MAPT: variants seen among roughly 807,000 people sequenced by gnomAD.
The protein encoded by MAPT is microtubule associated protein tau.
In MAPT, 34 loss-of-function variants were observed where a neutral mutation model predicts 67.9. That is an observed-to-expected ratio of 0.50 (90% CI 0.38 to 0.67). The LOEUF (loss-of-function observed/expected upper bound fraction) is 0.67, where lower values mean the gene tolerates loss of function less well. Among genes scored for constraint, MAPT ranks in the 30% least tolerant of loss-of-function variants. The probability of loss-of-function intolerance (pLI) is 0.00; values close to 1 mark genes in which losing one functional copy is unlikely to be tolerated. For synonymous variants in MAPT, 456 were observed against 464.5 expected (o/e 0.98, Z 0.23); for missense variants, 881 against 1,115.2 (o/e 0.79, Z 2.99).
chr17:45,926,564 C>T (rs532464640), intron 1 of MAPT, among the ~76,000 whole-genome samples: 19 of 152,294 alleles, frequency 1.2e-4, no homozygotes, highest in African/African-American at 4.3e-4. Context: ...CCTCCCACCT[C>T]GGCCTCCCGA....
intron 1 of MAPT, among the ~76,000 whole-genome samples, chr17:45,902,205 G>A (rs1053361443): frequency 1.3e-5 from 2 of 152,070 alleles, no homozygotes; most frequent in Admixed American, 6.6e-5. Flanking sequence ...CGCCGTAGCC[G>A]GGACTACAGG....
intron 1 of MAPT, among the ~76,000 whole-genome samples, chr17:45,960,326 A>C (rs1472630878): frequency 6.6e-6 from 1 of 152,238 alleles, no homozygotes; most frequent in Non-Finnish European, 1.5e-5. Context: ...CCGTTTTAGG[A>C]TGGGACAGGG....
intron 1 of MAPT, among the ~76,000 whole-genome samples, chr17:45,941,664 CCCCTTCCCCCCTTCCCTCCT>C (rs2067910219): frequency 1.1e-5 from 1 of 92,262 alleles, no homozygotes; most frequent in Non-Finnish European, 2.0e-5. Context: ...CCACCCTTCC[CCCCTTCCCCCCTTCCCTCCT>C]TCCTTCCTTC....
Position 45,941,709 on chromosome 17 carries a change from T to G in MAPT, c.-17-20612T>G, listed in dbSNP as rs865970937. Among the ~76,000 whole-genome samples the G allele has an allele frequency of 5.6e-4, 60 of 107,312 alleles. 1 individual carries two copies. The highest frequency in any genetic ancestry group is 5.7e-3 in the Middle Eastern group (1 of 174). The allele number at this position is 107,312 out of a possible 152,430, so 70.4% of individuals were successfully genotyped here. ...TTCCTTCCTTCCTTCCTGCCTGCCT[T>G]CCTTCCTTCCTTCCTTCCTTCCTTC... is the stretch of plus-strand genomic sequence containing the variant. On this transcript the variant is annotated intron_variant, in intron 1 of 12. Transcript: ENST00000262410.
At chr17:45,980,739 A>T (rs2072869250) in intron 4 of MAPT, among the ~76,000 whole-genome samples, 1 of 152,110 alleles carries the variant, frequency 6.6e-6, no homozygotes, top group South Asian at 2.1e-4. Context: ...AGAGCACTCT[A>T]GTAAGCTCTA....
intron 1 of MAPT, among the ~76,000 whole-genome samples, chr17:45,941,764 G>A (rs1284955039): frequency 4.5e-5 from 5 of 110,884 alleles, no homozygotes; most frequent in Admixed American, 4.3e-4. Context: ...CCTGGTATGT[G>A]ACTAATTTCT....
chr17:46,010,461 G>T lies in MAPT; in HGVS notation c.2091+59G>T. 8.4e-7 allele frequency: 1 copy of T among 1,184,688 alleles called. No homozygotes were observed. The allele number at this position is 1,184,688 out of a possible 1,614,324, so 73.4% of individuals were successfully genotyped here. A position where few individuals can be genotyped will look rare whatever the true frequency, so the allele number is the denominator to read the frequency against. On this transcript the variant is annotated intron_variant, in intron 10 of 12. Coordinates refer to ENST00000262410, the MANE Select transcript of MAPT (RefSeq NM_001377265.1). The surrounding 1 kb of genome is among the most constrained non-coding windows in gnomAD (Gnocchi z 4.7). Reference sequence around the variant, plus strand: ...GTGGCTTGAATTATTAGGAAGTGGTGTGAGTGCGTACACTTGCGAGACACT... The same window carrying T: ...GTGGCTTGAATTATTAGGAAGTGGTTTGAGTGCGTACACTTGCGAGACACT...
In MAPT at chr17:45,996,704, CGCCTGGAGGGGTAGGGCTGT is replaced by C. The variant is rs763875539; in HGVS notation, c.1998+48_1998+67del. 8.1e-6 allele frequency: 13 copies of C among 1,608,128 alleles called. No individual in the cohort carries two copies. In the South Asian group the frequency reaches 8.9e-5, roughly 11 times the overall value. On this transcript the variant is annotated intron_variant, in intron 9 of 12. Transcript: ENST00000262410. The surrounding 1 kb of genome is among the most constrained non-coding windows in gnomAD (Gnocchi z 4.5). ...CTGCGCGTGGAGGTGTGGGGGGCTG[CGCCTGGAGGGGTAGGGCTGT>C]GCCTGGAAGGGTAGGGCTGCGCCTG...
At position 46,024,331 on chromosome 17, in the gene MAPT, C is replaced by A; in HGVS notation, c.*160C>A. The A allele has an allele frequency of 1.4e-6, 1 of 693,896 alleles. No homozygotes were observed. Among genetic ancestry groups the A allele is most frequent in the Non-Finnish European group, 2.5e-6 (1 of 393,922 alleles). The allele number at this position is 693,896 out of a possible 1,614,324, so 43.0% of individuals were successfully genotyped here. On this transcript the variant is annotated 3_prime_UTR_variant, in exon 13 of 13. Transcript: ENST00000262410. ...ACCTGCTTTTGTCACTCGGCTTTGG[C>A]TCGGGACTTCAAAATCAGTGATGGG...
chr17:46,024,240 A>C lies in MAPT; in HGVS notation c.*69A>C. 3.5e-5 allele frequency: 48 copies of C among 1,372,912 alleles called. No homozygotes were observed. Among genetic ancestry groups the C allele is most frequent in the Non-Finnish European group, 4.5e-5 (44 of 972,810 alleles). The allele number at this position is 1,372,912 out of a possible 1,614,324, so 85.0% of individuals were successfully genotyped here. A position where few individuals can be genotyped will look rare whatever the true frequency, so the allele number is the denominator to read the frequency against. Reference sequence around the variant, plus strand: ...AGAGAGTGTGGAAAAAAAAAGAATAATGACCCGGCCCCCGCCCTCTGCCCC... The same window carrying C: ...AGAGAGTGTGGAAAAAAAAAGAATACTGACCCGGCCCCCGCCCTCTGCCCC... On this transcript the variant is annotated 3_prime_UTR_variant, in exon 13 of 13. Coordinates refer to ENST00000262410, the MANE Select transcript of MAPT (RefSeq NM_001377265.1).
chr17:45,983,118 A>T lies in MAPT; in HGVS notation c.539A>T (p.Asp180Val), dbSNP rs2145640757. The T allele has an allele frequency of 6.4e-7, 1 of 1,566,394 alleles. No homozygotes were observed. The highest frequency in any genetic ancestry group is 2.3e-5 in the East Asian group (1 of 43,116). ...CTGGAGTGGGGACAAAAAGGCGGGG[A>T]CTGGGCCGAGAAGGGTCCGGCCTTT... ...PSLEWGQKGG[D>V]WAEKGPAFPK... Residue 180 changes from aspartate to valine, a missense_variant, in exon 5 of 13, where the codon GAC becomes GTC. This residue lies in a region of MAPT where 687 missense variants were observed against 766.1 expected (regional missense o/e 0.90). Transcript: ENST00000262410.
chr17:45,904,347 T>TAA (rs1568136366), intron 1 of MAPT, among the ~76,000 whole-genome samples: 6 of 81,446 alleles, frequency 7.4e-5, no homozygotes, highest in African/African-American at 3.2e-4. Flanking sequence ...TATATATATA[T>TAA]TATATATATT....
At chr17:45,972,046 G>C (rs753658933) in intron 3 of MAPT, 101 bp downstream of exon 3, 33 of 850,604 alleles carry the variant, frequency 3.9e-5, no homozygotes, top group Middle Eastern at 2.1e-4. Flanking sequence ...CTGGCTGAGA[G>C]ATGTGCTCAC....
At chr17:45,972,462 G>A (rs753823585) in intron 3 of MAPT, among the ~76,000 whole-genome samples, 3 of 152,114 alleles carry the variant, frequency 2.0e-5, no homozygotes, top group Non-Finnish European at 4.4e-5. Flanking sequence ...TTAGCACCTC[G>A]CATACTTTCT....
In MAPT at chr17:45,903,958, A is replaced by ATT. The variant is rs1271985334; in HGVS notation, c.-18+9273_-18+9274dup. 8.7e-3 allele frequency among the ~76,000 whole-genome samples: 105 copies of ATT among 12,128 alleles called. 10 individuals are homozygous for ATT. Among genetic ancestry groups the ATT allele is most frequent in the African/African-American group, 0.033 (96 of 2,912 alleles). The allele number at this position is 12,128 out of a possible 152,430, so 8.0% of individuals were successfully genotyped here. On this transcript the variant is annotated intron_variant, in intron 1 of 12. Transcript: ENST00000262410. The stretch of plus-strand genomic sequence containing the variant: ...TATTTATATATAATATATATTATAT[A>ATT]TTATATATTATATATTATATATTAT...
Position 45,983,905 on chromosome 17 carries a change from C to G in MAPT, c.1326C>G (p.Pro442=), listed in dbSNP as rs201312701. 1 of 1,579,552 alleles carries G rather than the reference C, an allele frequency of 6.3e-7. No individual in the cohort carries two copies. Among genetic ancestry groups the G allele is most frequent in the Non-Finnish European group, 8.6e-7 (1 of 1,166,426 alleles). The change falls in exon 5 of 13, where the codon CCC becomes CCG. Residue 442 remains proline (P), a synonymous_variant. Coordinates refer to ENST00000262410, the MANE Select transcript of MAPT (RefSeq NM_001377265.1). The part of the protein sequence containing the change: ...KQPAAAPRGK[P]VSRVPQLKAR... ...CTGCTGCTGCTCCGCGGGGGAAGCC[C>G]GTCAGCCGGGTCCCTCAACTCAAAG...
intron 1 of MAPT, among the ~76,000 whole-genome samples, chr17:45,917,796 G>A (rs2065332947): frequency 6.8e-6 from 1 of 147,110 alleles, no homozygotes; most frequent in Non-Finnish European, 1.5e-5. Flanking sequence ...TTTTTTTTAA[G>A]ACAGAGCCTT....
At chr17:46,016,212 C>T (rs1443838145) in intron 11 of MAPT, among the ~76,000 whole-genome samples, 5 of 152,046 alleles carry the variant, frequency 3.3e-5, no homozygotes, top group Admixed American at 2.6e-4. Flanking sequence ...GCCGACATGG[C>T]GAAACCCCAT....
At chr17:46,003,918 T>C (rs564628181) in intron 9 of MAPT, among the ~76,000 whole-genome samples, 1 of 152,334 alleles carries the variant, frequency 6.6e-6, no homozygotes, top group East Asian at 1.9e-4. Context: ...TGTAAATAAT[T>C]CTGAAGGTGA....
Sources: allele counts gnomAD v4.1 joint callset (sites outside exome capture counted in the v4.1 genomes callset), GRCh38; gene constraint gnomAD v4.1.1; regional missense constraint gnomAD v4.1.1; non-coding constraint Gnocchi (gnomAD v3.1); transcripts MANE v1.5; gene names NCBI Gene and HGNC (gene_info 2026-07-23, HGNC 2026-07-21).